Variants in SLC9C2 observed in about 807,000 individuals in gnomAD.
SLC9C2 encodes the protein solute carrier family 9 member C2 (putative).
SLC9C2 carries 75 observed loss-of-function variants against 140.2 expected under a neutral mutation model. The ratio of observed to expected loss-of-function variants is 0.53; its 90% CI spans 0.44 to 0.65. SLC9C2 has a LOEUF of 0.65. SLC9C2 is among the 30% of genes least tolerant of loss of function. The probability of loss-of-function intolerance (pLI) is 0.00; values close to 1 mark genes in which losing one functional copy is unlikely to be tolerated. For missense variants in SLC9C2, 1,074 were observed against 1,331.8 expected, an observed-to-expected ratio of 0.81 and a Z score of 3.01; for synonymous variants, 375 against 420.9, an observed-to-expected ratio of 0.89 and a Z score of 1.34.
At position 173,524,036 on chromosome 1, in the gene SLC9C2, G is replaced by T. The variant is rs537774994; in HGVS notation, c.2573C>A (p.Thr858Asn). 1.1e-5 allele frequency: 18 copies of T among 1,613,716 alleles called. No homozygotes were observed. Among genetic ancestry groups the T allele is most frequent in the Non-Finnish European group, 1.5e-5 (18 of 1,179,824 alleles). Residue 858 changes from threonine to asparagine, a missense_variant, in exon 21 of 28, where the codon ACT becomes AAT. By Grantham distance (65) the Thr-to-Asn change is moderately conservative. Coordinates refer to ENST00000367714, the MANE Select transcript of SLC9C2 (RefSeq NM_178527.4). ...NNFPKAIPPP[T>N]PDIYLHNIIW... ...GATGTTGTGAAGGTATATGTCAGGA[G>T]TTGGGGGTGGGATTGCCTTTGGAAA...
intron 11 of SLC9C2, among the ~76,000 whole-genome samples, chr1:173,550,872 A>AG: frequency 1.2e-5 from 1 of 86,508 alleles, no homozygotes; most frequent in African/African-American, 6.5e-5. Flanking sequence ...GAGCCGTTGA[A>AG]AGAGAGAGAG....
intron 17 of SLC9C2, 65 bp from the exon 18 acceptor site, chr1:173,530,119 A>G: frequency 7.0e-7 from 1 of 1,428,344 alleles, no homozygotes. Flanking sequence ...CCTCTGAGGC[A>G]GAAATTCATA....
chr1:173,514,249 G>C (rs1045031158), intron 23 of SLC9C2, among the ~76,000 whole-genome samples: 2 of 152,186 alleles, frequency 1.3e-5, no homozygotes, highest in Non-Finnish European at 2.9e-5. Context: ...AATATTGACA[G>C]TGGGGTGTTA....
At chr1:173,514,696 G>T (rs1268289548) in intron 23 of SLC9C2, among the ~76,000 whole-genome samples, 2 of 152,098 alleles carry the variant, frequency 1.3e-5, no homozygotes, top group African/African-American at 2.4e-5. Context: ...GATGCTATCT[G>T]GTTATTTTGC....
chr1:173,514,748 T>A (rs1164823042), intron 23 of SLC9C2, among the ~76,000 whole-genome samples: 1 of 152,176 alleles, frequency 6.6e-6, no homozygotes, highest in Non-Finnish European at 1.5e-5. Context: ...CATAGTGCCA[T>A]TAGTCTTTAT....
chr1:173,510,485 A>AC (rs1302558878), intron 23 of SLC9C2, among the ~76,000 whole-genome samples: 1 of 150,526 alleles, frequency 6.6e-6, no homozygotes, highest in Non-Finnish European at 1.5e-5. Context: ...CATTCCTCTC[A>AC]CCCCCTCAAT....
At position 173,548,397 on chromosome 1, in the gene SLC9C2, A is replaced by G. The variant is rs748806226; in HGVS notation, c.1453T>C (p.Tyr485His). Residue 485 changes from tyrosine to histidine, a missense_variant, in exon 12 of 28, where the codon TAC becomes CAC. Tyr to His is a moderately conservative substitution (Grantham distance 83). Coordinates refer to ENST00000367714, the MANE Select transcript of SLC9C2 (RefSeq NM_178527.4). Reference sequence around the variant, plus strand: ...GCCAGGTATCAACTCACAGGAATGTATTCGATCCTCGTTTTATCTTCTACT... The same window carrying G: ...GCCAGGTATCAACTCACAGGAATGTGTTCGATCCTCGTTTTATCTTCTACT... ...TLVEDKTRIE[Y>H]IPFSHVSHND... 1.3e-5 allele frequency: 21 copies of G among 1,612,276 alleles called. No individual in the cohort carries two copies. Among genetic ancestry groups the G allele is most frequent in the Non-Finnish European group, 1.8e-5 (21 of 1,179,316 alleles).
intron 5 of SLC9C2, among the ~76,000 whole-genome samples, chr1:173,586,878 G>A (rs977433745): frequency 6.6e-6 from 1 of 152,090 alleles, no homozygotes; most frequent in Non-Finnish European, 1.5e-5. Context: ...GGGGCCTGTT[G>A]GGGGGTGGAG....
chr1:173,593,112 C>G (rs944689253), intron 4 of SLC9C2, among the ~76,000 whole-genome samples: 1 of 152,174 alleles, frequency 6.6e-6, no homozygotes, highest in African/African-American at 2.4e-5. Flanking sequence ...CTGTCACCAG[C>G]ATATACAAAA....
chr1:173,548,329 G>T lies in SLC9C2; in HGVS notation c.1461+60C>A, dbSNP rs147799683. 2.0e-3 allele frequency: 2,996 copies of T among 1,508,612 alleles called. 5 individuals are homozygous for T. The highest frequency in any genetic ancestry group is 2.5e-3 in the Non-Finnish European group (2,727 of 1,109,984). The allele number at this position is 1,508,612 out of a possible 1,614,324, so 93.5% of individuals were successfully genotyped here. A position where few individuals can be genotyped will look rare whatever the true frequency, so the allele number is the denominator to read the frequency against. On this transcript the variant is annotated intron_variant, in intron 12 of 27. Coordinates refer to ENST00000367714, the MANE Select transcript of SLC9C2 (RefSeq NM_178527.4). Reference sequence around the variant, plus strand: ...ATCAGGTCTTTAACAATAGGCTAAAGCAAGTGAGGCAGACCAAGGGAAGGA... The same window carrying T: ...ATCAGGTCTTTAACAATAGGCTAAATCAAGTGAGGCAGACCAAGGGAAGGA...
intron 4 of SLC9C2, 106 bp from the exon 5 acceptor site, chr1:173,587,936 T>G: frequency 1.2e-6 from 1 of 835,402 alleles, no homozygotes; most frequent in Non-Finnish European, 1.8e-6. Context: ...TGTTATACAA[T>G]TACCCTGGAA....
chr1:173,543,657 G>A (rs1442085780), intron 13 of SLC9C2, among the ~76,000 whole-genome samples: 2 of 151,970 alleles, frequency 1.3e-5, no homozygotes, highest in Non-Finnish European at 2.9e-5. Flanking sequence ...CAAAACAGAA[G>A]TATAGACCAA....
In SLC9C2 at chr1:173,554,804, T is replaced by TA. The variant is rs1663557492; in HGVS notation, c.1225dup (p.Tyr409LeufsTer56). The TA allele has an allele frequency of 6.9e-6, 11 of 1,586,966 alleles. No individual in the cohort carries two copies. The East Asian group carries it at 2.2e-4, about 32-fold the overall frequency. ...TGTCAATAATGATATTACTTGTACA[T>TA]AGAGTATAAACTAAAAACAAAGCAC... On this transcript the variant is annotated frameshift_variant, in exon 11 of 28. Transcript: ENST00000367714. LOFTEE classifies it high-confidence loss of function.
At chr1:173,547,071 A>T (rs2102053320) in intron 13 of SLC9C2, among the ~76,000 whole-genome samples, 1 of 152,220 alleles carries the variant, frequency 6.6e-6, no homozygotes, top group South Asian at 2.1e-4. Context: ...AATAAGTTTT[A>T]AAAAGAAACT....
At chr1:173,536,856 C>T (rs1661998316) in intron 14 of SLC9C2, 86 bp downstream of exon 14, 9 of 932,316 alleles carry the variant, frequency 9.7e-6, no homozygotes, top group Admixed American at 5.7e-5. Flanking sequence ...ATTGATCAAT[C>T]AGGACATTTA....
In SLC9C2 at chr1:173,537,015, T is replaced by C. The variant is rs1662016885; in HGVS notation, c.1582A>G (p.Asn528Asp). ...QMSSFEKQRN[N>D]GILEIEAARI... Reference sequence around the variant, plus strand: ...GCTGCCTCTATTTCAAGAATTCCATTGTTACGCTGTTTTTCAAAGCTACTC... The same window carrying C: ...GCTGCCTCTATTTCAAGAATTCCATCGTTACGCTGTTTTTCAAAGCTACTC... Residue 528 changes from asparagine to aspartate, a missense_variant, in exon 14 of 28, where the codon AAT becomes GAT. Transcript: ENST00000367714. 1.9e-6 allele frequency: 3 copies of C among 1,613,590 alleles called. No individual in the cohort carries two copies. In the South Asian group the frequency reaches 3.3e-5, roughly 18 times the overall value.
chr1:173,564,968 CTT>C (rs564120430), intron 9 of SLC9C2, among the ~76,000 whole-genome samples: 7 of 113,592 alleles, frequency 6.2e-5, no homozygotes, highest in Admixed American at 1.0e-4. Context: ...TTTTCTTTTT[CTT>C]TTTTTTTTTT....
At chr1:173,564,453 A>G (rs1434061338) in intron 9 of SLC9C2, among the ~76,000 whole-genome samples, 1 of 152,148 alleles carries the variant, frequency 6.6e-6, no homozygotes, top group Non-Finnish European at 1.5e-5. Context: ...CTGATGATCA[A>G]TGACGTTGGG....
At chr1:173,541,323 T>C (rs1177159778) in intron 13 of SLC9C2, among the ~76,000 whole-genome samples, 1 of 152,172 alleles carries the variant, frequency 6.6e-6, no homozygotes, top group African/African-American at 2.4e-5. Flanking sequence ...CCTAAATATA[T>C]ATGCACTTAA....
Sources: gnomAD v4.1 joint callset for allele counts (sites outside exome capture counted in the v4.1 genomes callset) on GRCh38, gnomAD v4.1.1 for gene constraint, MANE v1.5 for transcripts, NCBI Gene and HGNC (gene_info 2026-07-23, HGNC 2026-07-21) for gene names.